SMG6: variants seen among roughly 807,000 people sequenced by gnomAD.
The protein encoded by SMG6 is telomerase-binding protein EST1A.
Under a neutral mutation model 142.2 loss-of-function variants are expected in SMG6, and 66 were observed. The observed-to-expected ratio is 0.46, with a 90% CI of 0.38 to 0.57. The LOEUF (loss-of-function observed/expected upper bound fraction) is 0.57, where lower values mean the gene tolerates loss of function less well. Among genes scored for constraint, SMG6 ranks in the 20% least tolerant of loss-of-function variants. The pLI, the probability that SMG6 is intolerant of heterozygous loss-of-function variation, is 0.00. For synonymous variants in SMG6, 779 were observed against 702.4 expected (o/e 1.11, Z -1.72); for missense variants, 1,793 against 1,832.0 (o/e 0.98, Z 0.39).
intron 13 of SMG6, among the ~76,000 whole-genome samples, chr17:2,125,952 C>CAAAAA (rs562438656): frequency 4.8e-5 from 5 of 105,100 alleles, no homozygotes; most frequent in Admixed American, 1.1e-4. Context: ...GAACCCATCT[C>CAAAAA]AAAAAAAAAA....
intron 13 of SMG6, among the ~76,000 whole-genome samples, chr17:2,092,390 G>C (rs953641921): frequency 6.6e-6 from 1 of 152,132 alleles, no homozygotes; most frequent in African/African-American, 2.4e-5. Flanking sequence ...CATGTGTCTG[G>C]TCCCAACAGC....
At chr17:2,254,891 C>T (rs2074129987) in intron 8 of SMG6, among the ~76,000 whole-genome samples, 1 of 152,184 alleles carries the variant, frequency 6.6e-6, no homozygotes. Context: ...CAGAGATATC[C>T]TCTCAGAGGA....
chr17:2,238,425 G>A lies in SMG6; in HGVS notation c.2724-1788C>T, dbSNP rs2073721413. Among the ~76,000 whole-genome samples, 5 of 152,182 alleles carry A rather than the reference G, an allele frequency of 3.3e-5. No individual in the cohort carries two copies. The South Asian group carries it at 1.0e-3, about 32-fold the overall frequency. ...TGGAAGATGTGGAATGGCAGAGAGT[G>A]ACATGTTTGGGGCTGGACTAGATCC... On this transcript the variant is annotated intron_variant, in intron 9 of 18. Coordinates refer to ENST00000263073, the MANE Select transcript of SMG6 (RefSeq NM_017575.5).
chr17:2,171,440 G>A (rs1042974880), intron 13 of SMG6, among the ~76,000 whole-genome samples: 10 of 151,340 alleles, frequency 6.6e-5, no homozygotes, highest in Non-Finnish European at 1.0e-4. Flanking sequence ...CTCACTTCTG[G>A]GTAGAAAGAA....
chr17:2,121,676 A>G (rs1347137132), intron 13 of SMG6, among the ~76,000 whole-genome samples: 1 of 141,752 alleles, frequency 7.1e-6, no homozygotes, highest in African/African-American at 2.7e-5. Context: ...CCCAGGCTGG[A>G]GTACAGTAGC....
At chr17:2,125,540 T>C (rs1299792430) in intron 13 of SMG6, among the ~76,000 whole-genome samples, 1 of 152,232 alleles carries the variant, frequency 6.6e-6, no homozygotes, top group Admixed American at 6.5e-5. Context: ...TGTTCATGAA[T>C]TGGAAGACTT....
At chr17:2,089,532 G>A (rs1179085623) in intron 13 of SMG6, 1 of 152,474 alleles carries the variant, frequency 6.6e-6, no homozygotes, top group Non-Finnish European at 1.5e-5. Context: ...TGGGGCTTTA[G>A]GTCAGGGAAG....
chr17:2,282,390 C>CAAAAAAAAAAAAAAAAAAAAAAAAA (rs576759563), intron 8 of SMG6, among the ~76,000 whole-genome samples: 1 of 84,526 alleles, frequency 1.2e-5, no homozygotes, highest in Non-Finnish European at 2.3e-5. Flanking sequence ...CAAAAAGCAG[C>CAAAAAAAAAAAAAAAAAAAAAAAAA]AAAAAAAAAA....
intron 4 of SMG6, among the ~76,000 whole-genome samples, chr17:2,294,680 A>T (rs1427803593): frequency 6.6e-6 from 1 of 152,138 alleles, no homozygotes; most frequent in Non-Finnish European, 1.5e-5. Context: ...ATTCTTTAAA[A>T]CTAGGTTAAC....
chr17:2,259,767 T>C (rs529928477), intron 8 of SMG6, among the ~76,000 whole-genome samples: 21 of 150,430 alleles, frequency 1.4e-4, no homozygotes, highest in Admixed American at 6.6e-4. Context: ...TTTGAAAATA[T>C]AACCTCTCTA....
Position 2,112,531 on chromosome 17 carries a change from ATAAAT to A in SMG6, c.3358-26635_3358-26631del, listed in dbSNP as rs1390617921. On this transcript the variant is annotated intron_variant, in intron 13 of 18. Coordinates refer to ENST00000263073, the MANE Select transcript of SMG6 (RefSeq NM_017575.5). ...TCAAAAAAAATAAAATAAAAAATAA[ATAAAT>A]AAATAAATAAATAAATAAATAAATA... 3.8e-3 allele frequency among the ~76,000 whole-genome samples: 362 copies of A among 96,520 alleles called. 2 individuals carry two copies. Among genetic ancestry groups the A allele is most frequent in the African/African-American group, 0.015 (339 of 22,806 alleles). The allele number at this position is 96,520 out of a possible 152,430, so 63.3% of individuals were successfully genotyped here.
intron 12 of SMG6, among the ~76,000 whole-genome samples, chr17:2,177,544 C>A (rs1388022316): frequency 4.6e-5 from 7 of 152,172 alleles, no homozygotes; most frequent in Non-Finnish European, 1.0e-4. Flanking sequence ...TACAATGACC[C>A]CATGTTACAA....
intron 10 of SMG6, among the ~76,000 whole-genome samples, chr17:2,216,765 AC>A (rs1344848755): frequency 6.6e-6 from 1 of 152,144 alleles, no homozygotes; most frequent in African/African-American, 2.4e-5. Flanking sequence ...ATGGAGACAT[AC>A]TCTAGTTGAG....
intron 9 of SMG6, chr17:2,237,013 T>C (rs1308307409): frequency 1.1e-5 from 2 of 183,364 alleles, no homozygotes; most frequent in Non-Finnish European, 2.1e-5. Context: ...CCTGAAACCT[T>C]CACAGTCCCT....
chr17:2,254,538 T>C (rs1261223711), intron 8 of SMG6, among the ~76,000 whole-genome samples: 1 of 152,142 alleles, frequency 6.6e-6, no homozygotes, highest in Non-Finnish European at 1.5e-5. Context: ...TTTTGCCATG[T>C]TGTCCAGGCT....
At chr17:2,113,871 T>C (rs1167227360) in intron 13 of SMG6, among the ~76,000 whole-genome samples, 1 of 152,170 alleles carries the variant, frequency 6.6e-6, no homozygotes, top group Non-Finnish European at 1.5e-5. Flanking sequence ...CCCATGCATA[T>C]AAACCCATGA....
At chr17:2,237,409 A>T in intron 9 of SMG6, 1 of 620,736 alleles carries the variant, frequency 1.6e-6, no homozygotes, top group Non-Finnish European at 2.0e-6. Context: ...GTAACCAGAC[A>T]TAGTTCTGCT....
chr17:2,286,892 C>G (rs2074916912), intron 6 of SMG6, among the ~76,000 whole-genome samples: 1 of 150,452 alleles, frequency 6.6e-6, no homozygotes, highest in South Asian at 2.1e-4. Context: ...ATAAAGAACT[C>G]ATACATCTTG....
intron 1 of SMG6, among the ~76,000 whole-genome samples, chr17:2,301,585 G>A (rs1297819673): frequency 1.3e-5 from 2 of 152,238 alleles, no homozygotes; most frequent in South Asian, 4.1e-4. Flanking sequence ...GGTCACGCCT[G>A]TAATCCCAGC....
Sources: allele counts gnomAD v4.1 joint callset (sites outside exome capture counted in the v4.1 genomes callset), GRCh38; gene constraint gnomAD v4.1.1; transcripts MANE v1.5; gene names NCBI Gene and HGNC (gene_info 2026-07-23, HGNC 2026-07-21).